NEGR1: variants seen among roughly 807,000 people sequenced by gnomAD.
NEGR1 encodes neuronal growth regulator 1.
In NEGR1, 10 loss-of-function variants were observed where a neutral mutation model predicts 40.9. That is an observed-to-expected ratio of 0.24 (90% CI 0.15 to 0.42). NEGR1 has a LOEUF of 0.42. NEGR1 is among the 10% of genes least tolerant of loss of function. The pLI is 1.00. For missense variants in NEGR1, 352 were observed against 438.9 expected (o/e 0.80, Z 1.77); for synonymous variants, 185 against 166.8 (o/e 1.11, Z -0.84).
intron 1 of NEGR1, among the ~76,000 whole-genome samples, chr1:72,260,230 A>G (rs1655410689): frequency 6.6e-6 from 1 of 152,004 alleles, no homozygotes; most frequent in East Asian, 1.9e-4. Flanking sequence ...TAAAAATTTT[A>G]GCTTCCCGCA....
chr1:72,150,557 C>T (rs112039673), intron 1 of NEGR1, among the ~76,000 whole-genome samples: 1,859 of 152,172 alleles, frequency 0.012, 26 homozygotes, highest in African/African-American at 0.041. Flanking sequence ...GTGTCTGTTT[C>T]AAATCTTAAA....
chr1:71,730,942 A>C (rs1248126299), intron 3 of NEGR1, among the ~76,000 whole-genome samples: 1 of 149,620 alleles, frequency 6.7e-6, no homozygotes, highest in African/African-American at 2.5e-5. Context: ...TGATTATACA[A>C]AGAAATTACC....
chr1:71,859,535 G>A (rs1025485781), intron 2 of NEGR1, among the ~76,000 whole-genome samples: 18 of 151,936 alleles, frequency 1.2e-4, no homozygotes, highest in Non-Finnish European at 2.2e-4. Context: ...CTGCCTCTGG[G>A]TTTTGTAGCA....
At chr1:71,607,648 A>C (rs1398240491) in intron 5 of NEGR1, among the ~76,000 whole-genome samples, 2 of 152,202 alleles carry the variant, frequency 1.3e-5, no homozygotes, top group African/African-American at 4.8e-5. Context: ...TACCTGTCCA[A>C]TAGCAGGTGC....
chr1:72,078,679 G>A (rs1269006982), intron 1 of NEGR1, among the ~76,000 whole-genome samples: 1 of 139,294 alleles, frequency 7.2e-6, no homozygotes, highest in African/African-American at 2.7e-5. Flanking sequence ...CATTCTTATT[G>A]CCCAGGCTGG....
chr1:71,822,290 C>T (rs563712393), intron 2 of NEGR1, among the ~76,000 whole-genome samples: 1 of 151,958 alleles, frequency 6.6e-6, no homozygotes, highest in South Asian at 2.1e-4. Flanking sequence ...TATAGGATTG[C>T]ACAAAATGAG....
intron 1 of NEGR1, among the ~76,000 whole-genome samples, chr1:72,264,253 C>T (rs1655563623): frequency 6.6e-6 from 1 of 151,200 alleles, no homozygotes. Context: ...AGGTCTTTCA[C>T]CATCTAAGCC....
intron 4 of NEGR1, among the ~76,000 whole-genome samples, chr1:71,635,419 C>A (rs941453089): frequency 6.6e-6 from 1 of 151,830 alleles, no homozygotes; most frequent in Non-Finnish European, 1.5e-5. Flanking sequence ...CATATTGCAG[C>A]AATTGAGGTT....
intron 6 of NEGR1, among the ~76,000 whole-genome samples, chr1:71,571,164 T>G (rs1380246533): frequency 6.6e-6 from 1 of 152,228 alleles, no homozygotes; most frequent in African/African-American, 2.4e-5. Context: ...GAATAGCATT[T>G]TATCATCACT....
intron 3 of NEGR1, among the ~76,000 whole-genome samples, chr1:71,717,069 C>T (rs1014140725): frequency 6.6e-6 from 1 of 152,140 alleles, no homozygotes; most frequent in Non-Finnish European, 1.5e-5. Flanking sequence ...CTGTTCTGAC[C>T]AGGTTGAATT....
intron 1 of NEGR1, among the ~76,000 whole-genome samples, chr1:72,243,335 C>A (rs1222118669): frequency 6.6e-6 from 1 of 151,692 alleles, no homozygotes; most frequent in Non-Finnish European, 1.5e-5. Flanking sequence ...ATTTCCTCTT[C>A]TGTATAAATG....
chr1:71,548,018 G>A (rs1177487908), intron 6 of NEGR1, among the ~76,000 whole-genome samples: 3 of 151,598 alleles, frequency 2.0e-5, no homozygotes, highest in Non-Finnish European at 4.4e-5. Context: ...CCTACTAACA[G>A]CCACCCTGAG....
chr1:72,019,083 A>G (rs186840045), intron 1 of NEGR1, among the ~76,000 whole-genome samples: 31 of 152,250 alleles, frequency 2.0e-4, no homozygotes, highest in African/African-American at 7.0e-4. Context: ...CATGGGCTGG[A>G]CATGATGTAA....
chr1:72,282,221 C>A, intron 1 of NEGR1, 98 bp downstream of exon 1: 1 of 1,342,802 alleles, frequency 7.4e-7, no homozygotes, highest in Non-Finnish European at 1.0e-6. Context: ...TGAGCACCAC[C>A]AGCATTATTG....
At chr1:72,011,060 TA>T (rs1231533144) in intron 1 of NEGR1, among the ~76,000 whole-genome samples, 6 of 152,128 alleles carry the variant, frequency 3.9e-5, no homozygotes, top group Non-Finnish European at 8.8e-5. Flanking sequence ...TAGTACATAT[TA>T]AAAACTAAAT....
intron 4 of NEGR1, among the ~76,000 whole-genome samples, chr1:71,665,756 T>C (rs1327949891): frequency 6.6e-6 from 1 of 152,216 alleles, no homozygotes; most frequent in African/African-American, 2.4e-5. Context: ...GATTATAGCT[T>C]CCTAAAGCCT....
At chr1:72,059,352 A>C (rs541229868) in intron 1 of NEGR1, among the ~76,000 whole-genome samples, 1 of 151,644 alleles carries the variant, frequency 6.6e-6, no homozygotes, top group Non-Finnish European at 1.5e-5. Context: ...TCTTTTTAAA[A>C]AATATCTTCT....
At chr1:71,867,054 G>T (rs1437092522) in intron 2 of NEGR1, among the ~76,000 whole-genome samples, 3 of 152,118 alleles carry the variant, frequency 2.0e-5, no homozygotes, top group African/African-American at 7.2e-5. Context: ...ATACTGAAAA[G>T]AAAGATACAT....
chr1:71,950,632 C>T (rs1646061505), intron 1 of NEGR1, among the ~76,000 whole-genome samples: 1 of 151,936 alleles, frequency 6.6e-6, no homozygotes, highest in Non-Finnish European at 1.5e-5. Flanking sequence ...TCTTATCTTT[C>T]ACAGTGCATT....
Sources: gnomAD v4.1 joint callset for allele counts (sites outside exome capture counted in the v4.1 genomes callset) on GRCh38, gnomAD v4.1.1 for gene constraint, MANE v1.5 for transcripts, NCBI Gene and HGNC (gene_info 2026-07-23, HGNC 2026-07-21) for gene names.